The following GAS7 variants were observed in gnomAD, a reference collection of about 807,000 sequenced individuals.
GAS7 encodes growth arrest-specific protein 7.
A neutral mutation model predicts 71.1 loss-of-function variants in GAS7; 28 were observed. The observed-to-expected ratio is 0.39, with a 90% CI of 0.29 to 0.54. The LOEUF (loss-of-function observed/expected upper bound fraction) is 0.54, where lower values mean the gene tolerates loss of function less well. Among genes scored for constraint, GAS7 ranks in the 20% least tolerant of loss-of-function variants. The pLI is 0.62. For missense variants in GAS7, 436 were observed against 627.8 expected, an observed-to-expected ratio of 0.69 and a Z score of 3.27; for synonymous variants, 258 against 245.8, an observed-to-expected ratio of 1.05 and a Z score of -0.46.
chr17:10,073,583 T>G (rs1209200226), intron 1 of GAS7, among the ~76,000 whole-genome samples: 1 of 152,180 alleles, frequency 6.6e-6, no homozygotes, highest in Non-Finnish European at 1.5e-5. Flanking sequence ...CCCGCTCCCC[T>G]CAAGACCTCC....
intron 1 of GAS7, among the ~76,000 whole-genome samples, chr17:10,118,480 G>A (rs1007377055): frequency 6.6e-6 from 1 of 152,158 alleles, no homozygotes; most frequent in Non-Finnish European, 1.5e-5. Flanking sequence ...GGAGGCCAAG[G>A]CTGGTGGATC....
At position 9,946,856 on chromosome 17, in the gene GAS7, C is replaced by T. The variant is rs551032508; in HGVS notation, c.615+38G>A. On this transcript the variant is annotated intron_variant, in intron 6 of 13. Transcript: ENST00000432992. Reference sequence around the variant, plus strand: ...ATCCTGGGTGTCCACTCCCGGTCACCGGGGTCACGCTGTGGGGGAAACTGA... The same window carrying T: ...ATCCTGGGTGTCCACTCCCGGTCACTGGGGTCACGCTGTGGGGGAAACTGA... The T allele has an allele frequency of 8.2e-4, 1,142 of 1,391,088 alleles. 21 individuals carry two copies. The South Asian group carries it at 0.012, about 15-fold the overall frequency. The allele number at this position is 1,391,088 out of a possible 1,614,324, so 86.2% of individuals were successfully genotyped here.
At chr17:10,020,121 A>AG (rs1206473930) in intron 1 of GAS7, 3 of 483,906 alleles carry the variant, frequency 6.2e-6, no homozygotes, top group Admixed American at 6.9e-5. Flanking sequence ...CACAGAGGAC[A>AG]GCTCCTCTGG....
rs1340239868 is a variant in GAS7, at chr17:9,965,926, T to C, written c.471+3751A>G. The stretch of plus-strand genomic sequence containing the variant: ...TATCAGTCCTCCCCATGACATAGTA[T>C]GGTGGGGACACGTTACTGGTGTCCG... On this transcript the variant is annotated intron_variant, in intron 4 of 13. Coordinates refer to ENST00000432992, the MANE Select transcript of GAS7 (RefSeq NM_201433.2). Among the ~76,000 whole-genome samples the C allele has an allele frequency of 5.9e-5, 9 of 151,796 alleles. No individual in the cohort carries two copies. In the South Asian group the frequency reaches 1.2e-3, roughly 21 times the overall value.
rs539517798 is a variant in GAS7, at chr17:10,160,768, C to T, written c.183+37440G>A. Reference sequence around the variant, plus strand: ...TGCCTAGGCTGAATAGCAGTGGCTTCACACAGGCAAAATCATAAAACACTA... The same window carrying T: ...TGCCTAGGCTGAATAGCAGTGGCTTTACACAGGCAAAATCATAAAACACTA... On this transcript the variant is annotated intron_variant, in intron 1 of 13. Coordinates refer to ENST00000432992, the MANE Select transcript of GAS7 (RefSeq NM_201433.2). Among the ~76,000 whole-genome samples, 4 of 152,246 alleles carry T rather than the reference C, an allele frequency of 2.6e-5. No individual in the cohort carries two copies. The South Asian group carries it at 8.3e-4, about 32-fold the overall frequency.
At chr17:9,923,456 C>T (rs1357503126) in intron 11 of GAS7, among the ~76,000 whole-genome samples, 3 of 151,204 alleles carry the variant, frequency 2.0e-5, no homozygotes, top group East Asian at 1.9e-4. Flanking sequence ...AAATGAAAAA[C>T]GATTCATCTC....
At chr17:9,967,652 C>A (rs1047062907) in intron 4 of GAS7, among the ~76,000 whole-genome samples, 2 of 151,402 alleles carry the variant, frequency 1.3e-5, no homozygotes, top group African/African-American at 4.9e-5. Flanking sequence ...AGTACTTTCC[C>A]AAATTATTGC....
At chr17:10,148,990 T>C (rs573041236) in intron 1 of GAS7, among the ~76,000 whole-genome samples, 4 of 151,782 alleles carry the variant, frequency 2.6e-5, no homozygotes, top group African/African-American at 9.7e-5. Flanking sequence ...TGGAGAACCC[T>C]GGCCCATATG....
At chr17:9,989,551 T>G (rs2070763859) in intron 2 of GAS7, among the ~76,000 whole-genome samples, 1 of 152,096 alleles carries the variant, frequency 6.6e-6, no homozygotes, top group Non-Finnish European at 1.5e-5. Flanking sequence ...AAGTGAAAAC[T>G]TAAAAATTTT....
At chr17:10,148,948 G>GAACA (rs2074143575) in intron 1 of GAS7, among the ~76,000 whole-genome samples, 1 of 149,530 alleles carries the variant, frequency 6.7e-6, no homozygotes, top group Non-Finnish European at 1.5e-5. Flanking sequence ...TGAACAGAAC[G>GAACA]GTATCAGGTC....
At chr17:10,068,223 GCAT>G (rs766790861) in intron 1 of GAS7, among the ~76,000 whole-genome samples, 12 of 152,254 alleles carry the variant, frequency 7.9e-5, no homozygotes, top group Admixed American at 2.0e-4. Context: ...CTTCCCAGAA[GCAT>G]CATCAACTCC....
Position 10,103,024 on chromosome 17 carries a change from C to T in GAS7, c.184-83127G>A, listed in dbSNP as rs1298957634. Among the ~76,000 whole-genome samples the T allele has an allele frequency of 2.6e-5, 4 of 152,170 alleles. No homozygotes were observed. The highest frequency in any genetic ancestry group is 4.4e-5 in the Non-Finnish European group (3 of 68,036). ...GGAGGCACCAGCAGCATTCCTGTCG[C>T]CTAGAAGCTTGTTAGAAATGCAGAA... On this transcript the variant is annotated intron_variant, in intron 1 of 13. Coordinates refer to ENST00000432992, the MANE Select transcript of GAS7 (RefSeq NM_201433.2). This position sits in a 1 kb window ranked among gnomAD's most constrained non-coding sequence, Gnocchi z 5.5.
At chr17:10,001,306 T>C (rs2071260473) in intron 2 of GAS7, among the ~76,000 whole-genome samples, 1 of 152,152 alleles carries the variant, frequency 6.6e-6, no homozygotes, top group African/African-American at 2.4e-5. Flanking sequence ...TTCAGAGAAA[T>C]TATTTTTATC....
In GAS7 at chr17:9,981,961, A is replaced by T; in HGVS notation, c.305-77T>A. 1 of 834,546 alleles carries T rather than the reference A, an allele frequency of 1.2e-6. No individual in the cohort carries two copies. Among genetic ancestry groups the T allele is most frequent in the Non-Finnish European group, 2.1e-6 (1 of 476,928 alleles). The allele number at this position is 834,546 out of a possible 1,614,324, so 51.7% of individuals were successfully genotyped here. Reference sequence around the variant, plus strand: ...CCTGAGTTTCACAGAGCAGAAGGAGATGCTCAGAGCTGGAGAAAAAGAGAG... The same window carrying T: ...CCTGAGTTTCACAGAGCAGAAGGAGTTGCTCAGAGCTGGAGAAAAAGAGAG... On this transcript the variant is annotated intron_variant, in intron 2 of 13. Transcript: ENST00000432992. The surrounding 1 kb of genome is among the most constrained non-coding windows in gnomAD (Gnocchi z 4.4).
chr17:10,081,152 A>T (rs1429589843), intron 1 of GAS7, among the ~76,000 whole-genome samples: 1 of 152,212 alleles, frequency 6.6e-6, no homozygotes, highest in African/African-American at 2.4e-5. Context: ...TGACCTCACC[A>T]TAAGAGTTTT....
chr17:10,018,795 T>A (rs962476357), intron 2 of GAS7, among the ~76,000 whole-genome samples: 14 of 152,114 alleles, frequency 9.2e-5, no homozygotes, highest in African/African-American at 3.4e-4. Flanking sequence ...GAAGGGGTGG[T>A]CATGTAGTCA....
intron 1 of GAS7, among the ~76,000 whole-genome samples, chr17:10,106,507 G>T (rs2073757504): frequency 6.6e-6 from 1 of 152,212 alleles, no homozygotes; most frequent in Non-Finnish European, 1.5e-5. Context: ...ACGGAAGCAG[G>T]ATAGAGTCTG....
chr17:9,934,066 A>G (rs2068304349), intron 9 of GAS7, 100 bp downstream of exon 9: 1 of 816,652 alleles, frequency 1.2e-6, no homozygotes, highest in Non-Finnish European at 2.2e-6. Flanking sequence ...AGTTTACACC[A>G]GGGAAAATGG....
chr17:10,189,992 C>T (rs2074485673), intron 1 of GAS7, among the ~76,000 whole-genome samples: 2 of 152,022 alleles, frequency 1.3e-5, no homozygotes, highest in Admixed American at 1.3e-4. Context: ...TACTTCACGG[C>T]CCATGAAAAT....
Sources: allele counts gnomAD v4.1 joint callset (sites outside exome capture counted in the v4.1 genomes callset), GRCh38; gene constraint gnomAD v4.1.1; non-coding constraint Gnocchi (gnomAD v3.1); transcripts MANE v1.5; gene names NCBI Gene and HGNC (gene_info 2026-07-23, HGNC 2026-07-21).